The following ZFYVE9 variants were observed in gnomAD, a reference collection of about 807,000 sequenced individuals.
ZFYVE9 encodes zinc finger FYVE domain-containing protein 9.
A neutral mutation model predicts 126.7 loss-of-function variants in ZFYVE9; 43 were observed. The ratio of observed to expected loss-of-function variants is 0.34; its 90% confidence interval spans 0.27 to 0.44. The LOEUF is 0.44. ZFYVE9 is among the 20% of genes least tolerant of loss of function. ZFYVE9 has a pLI of 1.00. For synonymous variants in ZFYVE9, 521 were observed against 597.4 expected, an observed-to-expected ratio of 0.87 and a Z score of 1.87; for missense variants, 1,476 against 1,697.0, an observed-to-expected ratio of 0.87 and a Z score of 2.29.
intron 13 of ZFYVE9, among the ~76,000 whole-genome samples, chr1:52,327,706 G>A (rs1468584170): frequency 2.0e-5 from 3 of 152,322 alleles, no homozygotes; most frequent in Non-Finnish European, 2.9e-5. Context: ...GGGCGCGATG[G>A]CTCACGCATG....
At chr1:52,261,513 G>C (rs1454393885) in intron 4 of ZFYVE9, among the ~76,000 whole-genome samples, 1 of 152,204 alleles carries the variant, frequency 6.6e-6, no homozygotes, top group Non-Finnish European at 1.5e-5. Flanking sequence ...CCATTGGGTA[G>C]CTTGGTGCCC....
At chr1:52,171,081 A>G (rs2124524479) in intron 1 of ZFYVE9, among the ~76,000 whole-genome samples, 1 of 151,896 alleles carries the variant, frequency 6.6e-6, no homozygotes, top group East Asian at 1.9e-4. Context: ...TACATGTGCC[A>G]TGCTGGTGTG....
intron 13 of ZFYVE9, among the ~76,000 whole-genome samples, chr1:52,306,158 C>T (rs749228581): frequency 2.6e-5 from 4 of 152,186 alleles, no homozygotes; most frequent in Non-Finnish European, 5.9e-5. Flanking sequence ...GGTGCCTTTT[C>T]TCAGCCTGCC....
intron 1 of ZFYVE9, among the ~76,000 whole-genome samples, chr1:52,196,155 A>ACTGGTAG (rs1644858179): frequency 2.0e-5 from 3 of 152,138 alleles, no homozygotes; most frequent in Non-Finnish European, 4.4e-5. Context: ...TTGAGCTCTA[A>ACTGGTAG]CTTGGTAGAC....
chr1:52,226,644 G>T (rs1645173206), intron 2 of ZFYVE9, among the ~76,000 whole-genome samples: 1 of 152,176 alleles, frequency 6.6e-6, no homozygotes, highest in Non-Finnish European at 1.5e-5. Flanking sequence ...CTTAACTCCT[G>T]TATCACTGAC....
intron 13 of ZFYVE9, among the ~76,000 whole-genome samples, chr1:52,328,419 T>C (rs1216566592): frequency 6.6e-6 from 1 of 152,226 alleles, no homozygotes; most frequent in Non-Finnish European, 1.5e-5. Context: ...TTATGGTCAG[T>C]AAGGTCCTTT....
chr1:52,214,896 C>G (rs1341621601), intron 1 of ZFYVE9, among the ~76,000 whole-genome samples: 1 of 151,942 alleles, frequency 6.6e-6, no homozygotes, highest in African/African-American at 2.4e-5. Context: ...TTATTTTATT[C>G]ACGTCCTCAA....
intron 12 of ZFYVE9, among the ~76,000 whole-genome samples, chr1:52,297,446 C>T (rs1425782151): frequency 1.3e-5 from 2 of 151,880 alleles, no homozygotes; most frequent in Non-Finnish European, 2.9e-5. Flanking sequence ...ACCTTGTTGG[C>T]CAGGCTGGTC....
intron 1 of ZFYVE9, among the ~76,000 whole-genome samples, chr1:52,208,254 ACT>A (rs1372445475): frequency 6.6e-6 from 1 of 152,104 alleles, no homozygotes; most frequent in African/African-American, 2.4e-5. Flanking sequence ...AACTCCAGTG[ACT>A]CTTCATAAAA....
chr1:52,227,323 CTTTT>C, intron 2 of ZFYVE9, among the ~76,000 whole-genome samples: 1 of 151,876 alleles, frequency 6.6e-6, no homozygotes, highest in Non-Finnish European at 1.5e-5. Context: ...ATAGTGCCCT[CTTTT>C]CTGCCTTCAC....
intron 13 of ZFYVE9, among the ~76,000 whole-genome samples, chr1:52,323,327 G>A (rs1246805218): frequency 6.6e-6 from 1 of 152,066 alleles, no homozygotes; most frequent in Admixed American, 6.5e-5. Flanking sequence ...AATACTCCCA[G>A]TCCTCCTTCC....
chr1:52,187,887 G>A (rs191531156), intron 1 of ZFYVE9, among the ~76,000 whole-genome samples: 1 of 152,158 alleles, frequency 6.6e-6, no homozygotes, highest in African/African-American at 2.4e-5. Flanking sequence ...TATGGAAAAC[G>A]ATTCCTTTCC....
At chr1:52,209,694 C>A (rs554798866) in intron 1 of ZFYVE9, among the ~76,000 whole-genome samples, 4 of 152,150 alleles carry the variant, frequency 2.6e-5, no homozygotes, top group Admixed American at 2.6e-4. Context: ...GGAAAATAGG[C>A]AAGATTGAGA....
Position 52,268,622 on chromosome 1 carries a change from T to C in ZFYVE9, c.2615T>C (p.Leu872Pro). ...GTCAAGCCAGTAACTACCAGTCCTC[T>C]ACCAGCAGAGGTAAGAAAACAAAAC... ...DPVKPVTTSPLPAETDICLFS... is the reference protein window; with the variant it reads ...DPVKPVTTSPPPAETDICLFS... The change falls in exon 7 of 19, where the codon CTA becomes CCA. Residue 872 changes from leucine to proline, a missense_variant. This residue lies in a region of ZFYVE9 where 669 missense variants were observed against 902.4 expected (regional missense o/e 0.74). Transcript: ENST00000287727. The C allele has an allele frequency of 1.2e-6, 2 of 1,613,702 alleles. No homozygotes were observed. The highest frequency in any genetic ancestry group is 1.7e-6 in the Non-Finnish European group (2 of 1,179,730).
At chr1:52,328,966 G>GTATTGT (rs1381749631) in intron 13 of ZFYVE9, among the ~76,000 whole-genome samples, 1 of 152,160 alleles carries the variant, frequency 6.6e-6, no homozygotes, top group Non-Finnish European at 1.5e-5. Context: ...TGATGCCTTA[G>GTATTGT]AGTTGTATGG....
chr1:52,342,428 A>C (rs1261571419), intron 17 of ZFYVE9, among the ~76,000 whole-genome samples: 1 of 148,820 alleles, frequency 6.7e-6, no homozygotes, highest in Non-Finnish European at 1.5e-5. Context: ...ACCACGCCCG[A>C]CTAATTTTTT....
At position 52,239,210 on chromosome 1, in the gene ZFYVE9, A is replaced by C. The variant is rs1440744969; in HGVS notation, c.1793A>C (p.His598Pro). The C allele has an allele frequency of 1.2e-6, 2 of 1,614,024 alleles. No homozygotes were observed. The highest frequency in any genetic ancestry group is 2.7e-5 in the African/African-American group (2 of 74,922). ...KLQIPKPLSD[H>P]LQNDFPANSG... is the part of the protein sequence containing the mutation. Reference sequence around the variant, plus strand: ...CAAATTCCAAAGCCATTATCAGACCATTTACAAAATGACTTTCCTGCAAAC... The same window carrying C: ...CAAATTCCAAAGCCATTATCAGACCCTTTACAAAATGACTTTCCTGCAAAC... Residue 598 changes from histidine to proline, a missense_variant, in exon 4 of 19, where the codon CAT becomes CCT. Physicochemically the swap from His to Pro is moderately conservative, Grantham distance 77. This residue lies in a region of ZFYVE9 where 807 missense variants were observed against 794.6 expected (regional missense o/e 1.02). Coordinates refer to ENST00000287727, the MANE Select transcript of ZFYVE9 (RefSeq NM_004799.4).
At chr1:52,263,951 GCCT>G (rs1367647046) in intron 5 of ZFYVE9, 79 bp downstream of exon 5, 1 of 871,682 alleles carries the variant, frequency 1.1e-6, no homozygotes, top group Non-Finnish European at 1.7e-6. Context: ...TTTTCCCCCT[GCCT>G]TTCTTTACAA....
At chr1:52,253,547 C>T (rs1425396395) in intron 4 of ZFYVE9, 19 of 731,620 alleles carry the variant, frequency 2.6e-5, no homozygotes, top group South Asian at 8.4e-5. Context: ...CCTAGGAAGC[C>T]GAGTGGGAGT....
Sources: gnomAD v4.1 joint callset for allele counts (sites outside exome capture counted in the v4.1 genomes callset) on GRCh38, gnomAD v4.1.1 for gene constraint, gnomAD v4.1.1 regional missense constraint, MANE v1.5 for transcripts, NCBI Gene and HGNC (gene_info 2026-07-23, HGNC 2026-07-21) for gene names.